The following CACNA1H variants were observed in gnomAD, a reference collection of about 807,000 sequenced individuals.
CACNA1H encodes voltage-dependent T-type calcium channel subunit alpha-1H.
Under a neutral mutation model 192.5 loss-of-function variants are expected in CACNA1H, and 149 were observed. That is an observed-to-expected ratio of 0.77 (90% CI 0.68 to 0.89). The LOEUF (loss-of-function observed/expected upper bound fraction) is 0.89, where lower values mean the gene tolerates loss of function less well. Ranked by LOEUF, CACNA1H falls within the 40% of genes least tolerant of loss-of-function variation. The probability of loss-of-function intolerance (pLI) is 0.00; values close to 1 mark genes in which losing one functional copy is unlikely to be tolerated. For synonymous variants in CACNA1H, 2,202 were observed against 1,475.2 expected (o/e 1.49, Z -11.29); for missense variants, 4,257 against 3,423.5 (o/e 1.24, Z -6.08).
intron 2 of CACNA1H, among the ~76,000 whole-genome samples, chr16:1,169,853 C>T (rs1028890879): frequency 3.9e-5 from 6 of 152,248 alleles, no homozygotes; most frequent in African/African-American, 7.2e-5. Context: ...CCCGTGAGGC[C>T]GGACATGGGC....
At chr16:1,178,236 G>A (rs942633222) in intron 2 of CACNA1H, among the ~76,000 whole-genome samples, 95 of 140,590 alleles carry the variant, frequency 6.8e-4, no homozygotes, top group African/African-American at 2.4e-3. Context: ...CCCCCAACGG[G>A]CTCTCCTGCC....
intron 2 of CACNA1H, among the ~76,000 whole-genome samples, chr16:1,166,115 A>G (rs987224435): frequency 1.3e-5 from 2 of 152,226 alleles, no homozygotes; most frequent in African/African-American, 4.8e-5. Flanking sequence ...TTTCTCACTC[A>G]GACTCAGAGG....
intron 2 of CACNA1H, among the ~76,000 whole-genome samples, chr16:1,166,352 C>A (rs1426994795): frequency 1.3e-5 from 2 of 152,198 alleles, no homozygotes; most frequent in East Asian, 3.9e-4. Flanking sequence ...AGTAACGGTG[C>A]CCTGAATCCC....
chr16:1,209,425 C>G lies in CACNA1H; in HGVS notation c.3744+13C>G, dbSNP rs1344079123. 1 of 1,593,512 alleles carries G rather than the reference C, an allele frequency of 6.3e-7. No individual in the cohort carries two copies. Among genetic ancestry groups the G allele is most frequent in the Admixed American group, 1.7e-5 (1 of 59,780 alleles). Reference sequence around the variant, plus strand: ...CGACTCGGAGGACGTGAGTGCGTGGCCCTGGGCCCACCGCCGACTCGCCTT... The same window carrying G: ...CGACTCGGAGGACGTGAGTGCGTGGGCCTGGGCCCACCGCCGACTCGCCTT... On this transcript the variant is annotated intron_variant, in intron 17 of 34. Coordinates refer to ENST00000348261, the MANE Select transcript of CACNA1H (RefSeq NM_021098.3).
rs887472569 is a variant in CACNA1H, at chr16:1,180,280, G to A, written c.300-14692G>A. ...GTTTTCACACAGATTGAGACCAGGC[G>A]TCGCCCACAGAGCATAATGTGAGGC... On this transcript the variant is annotated intron_variant, in intron 2 of 34. Transcript: ENST00000348261. The surrounding 1 kb of genome is among the most constrained non-coding windows in gnomAD (Gnocchi z 4.4). Among the ~76,000 whole-genome samples the A allele has an allele frequency of 5.9e-5, 9 of 152,232 alleles. No homozygotes were observed. Among genetic ancestry groups the A allele is most frequent in the African/African-American group, 1.7e-4 (7 of 41,456 alleles).
At chr16:1,207,213 C>T in intron 13 of CACNA1H, 62 bp from the exon 14 acceptor site, 2 of 1,557,386 alleles carry the variant, frequency 1.3e-6, no homozygotes, top group Non-Finnish European at 1.7e-6. Context: ...TGCCTCTGCC[C>T]CAAGGACTTG....
At chr16:1,169,476 C>T (rs968523487) in intron 2 of CACNA1H, among the ~76,000 whole-genome samples, 2 of 152,246 alleles carry the variant, frequency 1.3e-5, no homozygotes, top group African/African-American at 4.8e-5. Flanking sequence ...GACGTTCCCC[C>T]AAGAAGCAGC....
intron 2 of CACNA1H, among the ~76,000 whole-genome samples, chr16:1,155,949 G>C (rs1962309241): frequency 6.6e-6 from 1 of 152,020 alleles, no homozygotes; most frequent in South Asian, 2.1e-4. Flanking sequence ...AGTATGCTCT[G>C]GTAGCCCGAG....
intron 2 of CACNA1H, among the ~76,000 whole-genome samples, chr16:1,177,837 G>A (rs1453309277): frequency 1.3e-5 from 2 of 151,866 alleles, no homozygotes; most frequent in Non-Finnish European, 2.9e-5. Context: ...TGAGGGCTCC[G>A]CCGCTCCTGA....
chr16:1,218,850 G>C (rs558021977), intron 33 of CACNA1H, 120 bp from the exon 34 acceptor site: 28 of 1,219,632 alleles, frequency 2.3e-5, no homozygotes, highest in South Asian at 2.2e-4. Flanking sequence ...AGAGAGGACG[G>C]GTCGGGCTGG....
intron 22 of CACNA1H, 78 bp from the exon 23 acceptor site, chr16:1,211,403 C>G: frequency 6.2e-7 from 1 of 1,607,168 alleles, no homozygotes; most frequent in Admixed American, 1.7e-5. Flanking sequence ...CAGCTCGGGC[C>G]TCACTCGCGC....
intron 2 of CACNA1H, among the ~76,000 whole-genome samples, chr16:1,188,616 G>A (rs1966294661): frequency 6.6e-6 from 1 of 152,210 alleles, no homozygotes; most frequent in South Asian, 2.1e-4. Flanking sequence ...GGCTGCCCAC[G>A]CCCGCGCCCA....
At chr16:1,216,896 G>A (rs764567287) in intron 30 of CACNA1H, 36 bp from the exon 31 acceptor site, 8 of 1,552,648 alleles carry the variant, frequency 5.2e-6, no homozygotes, top group African/African-American at 1.4e-5. Flanking sequence ...CTCCCTGCCC[G>A]CCCGTCTGAC....
chr16:1,160,922 C>T (rs1963115410), intron 2 of CACNA1H, among the ~76,000 whole-genome samples: 1 of 152,114 alleles, frequency 6.6e-6, no homozygotes, highest in African/African-American at 2.4e-5. Flanking sequence ...GGCATCAGCC[C>T]AGTGCGGCCC....
intron 17 of CACNA1H, 68 bp downstream of exon 17, chr16:1,209,480 G>T (rs1159539564): frequency 6.4e-7 from 1 of 1,565,770 alleles, no homozygotes; most frequent in Non-Finnish European, 8.6e-7. Flanking sequence ...CCCTCAAGTG[G>T]GGTTTGAGAT....
intron 34 of CACNA1H, 144 bp from the exon 35 acceptor site, chr16:1,219,837 C>T (rs989132934): frequency 2.9e-5 from 15 of 512,620 alleles, no homozygotes; most frequent in East Asian, 1.8e-4. Flanking sequence ...GGCTTCCAGC[C>T]CCATCTCGAG....
intron 26 of CACNA1H, among the ~76,000 whole-genome samples, chr16:1,213,437 C>T (rs1157545062): frequency 6.6e-6 from 1 of 152,116 alleles, no homozygotes; most frequent in Non-Finnish European, 1.5e-5. Context: ...GCCATCTCAG[C>T]TTCATACCCA....
rs949144433 is a variant in CACNA1H, at chr16:1,210,453, C to T, written c.3929C>T (p.Thr1310Ile). 7.4e-6 allele frequency: 12 copies of T among 1,612,030 alleles called. No homozygotes were observed. The highest frequency in any genetic ancestry group is 1.0e-5 in the Non-Finnish European group (12 of 1,179,654). ...VLVFIFLNCV[T>I]IALERPDIDP... ...GTCTTCATCTTCCTCAACTGCGTCA[C>T]CATCGCCCTGGAGAGGCCTGACATT... is the stretch of plus-strand genomic sequence containing the variant. Residue 1310 changes from threonine to isoleucine, a missense_variant, in exon 19 of 35, where the codon ACC (threonine) becomes ATC (isoleucine). By Grantham distance (89) the Thr-to-Ile change is moderately conservative (BLOSUM62 -1). Transcript: ENST00000348261.
At chr16:1,183,580 C>A (rs1269700359) in intron 2 of CACNA1H, among the ~76,000 whole-genome samples, 4 of 152,226 alleles carry the variant, frequency 2.6e-5, no homozygotes, top group Admixed American at 6.5e-5. Context: ...TAAGAGGCCC[C>A]GCTGGAGAAC....
Sources: allele counts gnomAD v4.1 joint callset (sites outside exome capture counted in the v4.1 genomes callset), GRCh38; gene constraint gnomAD v4.1.1; non-coding constraint Gnocchi (gnomAD v3.1); transcripts MANE v1.5; gene names NCBI Gene and HGNC (gene_info 2026-07-23, HGNC 2026-07-21).